The following IFT52 variants were observed in gnomAD, a reference collection of about 807,000 sequenced individuals.
IFT52 encodes intraflagellar transport 52.
IFT52 carries 44 observed loss-of-function variants against 54.4 expected under a neutral mutation model. The observed-to-expected ratio is 0.81, with a 90% confidence interval of 0.63 to 1.04. The LOEUF (loss-of-function observed/expected upper bound fraction) is 1.04. IFT52 is among the 50% of genes least tolerant of loss of function. The probability of loss-of-function intolerance (pLI) is 0.00; values close to 1 mark genes in which losing one functional copy is unlikely to be tolerated. For synonymous variants in IFT52, 181 were observed against 185.3 expected, an observed-to-expected ratio of 0.98 and a Z score of 0.19; for missense variants, 452 against 523.6, an observed-to-expected ratio of 0.86 and a Z score of 1.33.
chr20:43,618,890 T>G, intron 7 of IFT52, 50 bp from the exon 8 acceptor site: 2,520 of 1,153,468 alleles, frequency 2.2e-3, no homozygotes, highest in Non-Finnish European at 3.0e-3. Context: ...CTAGGATACA[T>G]GAGATGCACT....
intron 10 of IFT52, among the ~76,000 whole-genome samples, chr20:43,634,685 T>A (rs1985400128): frequency 6.6e-6 from 1 of 152,118 alleles, no homozygotes; most frequent in African/African-American, 2.4e-5. Flanking sequence ...AGTACAGATT[T>A]GTTACCTAGG....
chr20:43,604,247 A>C lies in IFT52; in HGVS notation c.402A>C (p.Gly134=), dbSNP rs758084773. ...FHPKEALVSS[G]VLNREISRAA... ...CTAAAGAAGCTCTAGTTTCCAGTGGAGTCTTGAACAGGTAAGCATGTTGAA... is the reference window on the plus strand; with the variant it reads ...CTAAAGAAGCTCTAGTTTCCAGTGGCGTCTTGAACAGGTAAGCATGTTGAA... Residue 134 remains glycine (G), a synonymous_variant, in exon 5 of 14, where the codon GGA becomes GGC. Transcript: ENST00000373030. 1 of 1,608,012 alleles carries C rather than the reference A, an allele frequency of 6.2e-7. No homozygotes were observed. Among genetic ancestry groups the C allele is most frequent in the East Asian group, 2.2e-5 (1 of 44,854 alleles).
rs567832259 is a variant in IFT52, at chr20:43,628,183, C to CCT, written c.923+4140_923+4141dup. Among the ~76,000 whole-genome samples, 39 of 152,224 alleles carry CCT rather than the reference C, an allele frequency of 2.6e-4. No individual in the cohort carries two copies. The East Asian group carries it at 6.9e-3, about 27-fold the overall frequency. On this transcript the variant is annotated intron_variant, in intron 10 of 13. Transcript: ENST00000373030. ...ACTTCAAGTGATCCACCCGCCTCAG[C>CCT]CTCCCAAAGTGTTGAGATTACAGGC... is the stretch of plus-strand genomic sequence containing the variant.
At chr20:43,620,729 C>T in intron 8 of IFT52, 128 bp from the exon 9 acceptor site, 2 of 664,524 alleles carry the variant, frequency 3.0e-6, no homozygotes, top group African/African-American at 3.7e-5. Flanking sequence ...AGGCTGGCTA[C>T]CCTTTTCTGA....
At position 43,596,435 on chromosome 20, in the gene IFT52, C is replaced by T; in HGVS notation, c.120C>T (p.Ser40=). ...KKLRSNWKIQ[S]LKDEITSEKL... is the part of the protein sequence containing the mutation. ...TTTGCTTTTAAAATTGTATTTCCAG[C>T]TTAAAAGATGAAATCACATCTGAGA... is the stretch of plus-strand genomic sequence containing the variant. Residue 40 remains serine (S), a splice_region_variant and synonymous_variant, in exon 3 of 14, where the codon AGC becomes AGT. Coordinates refer to ENST00000373030, the MANE Select transcript of IFT52 (RefSeq NM_016004.5). 1 of 1,572,790 alleles carries T rather than the reference C, an allele frequency of 6.4e-7. No homozygotes were observed. Among genetic ancestry groups the T allele is most frequent in the Non-Finnish European group, 8.7e-7 (1 of 1,150,460 alleles).
intron 10 of IFT52, among the ~76,000 whole-genome samples, chr20:43,632,816 T>G (rs1235227893): frequency 6.6e-6 from 1 of 151,706 alleles, no homozygotes; most frequent in African/African-American, 2.4e-5. Context: ...TGAAAAGAAA[T>G]AAAAAAAACA....
At chr20:43,604,670 CCTTT>C (rs1320495491) in intron 5 of IFT52, among the ~76,000 whole-genome samples, 1 of 151,874 alleles carries the variant, frequency 6.6e-6, no homozygotes, top group African/African-American at 2.4e-5. Context: ...TTTTCACTGC[CCTTT>C]CTTCTTTCTT....
chr20:43,623,758 C>G, intron 9 of IFT52, 133 bp from the exon 10 acceptor site: 2 of 997,524 alleles, frequency 2.0e-6, no homozygotes, highest in Non-Finnish European at 2.9e-6. Context: ...GGTTTAGTGT[C>G]AGTGATCATG....
Position 43,592,969 on chromosome 20 carries a change from C to T in IFT52, c.-6-1724C>T, listed in dbSNP as rs186941114. On this transcript the variant is annotated intron_variant, in intron 1 of 13. Transcript: ENST00000373030. ...TTTAAAAATTAGCTGGACACTGGTG[C>T]GCGCCTGTAGTCCCAGCTACCCATG... Among the ~76,000 whole-genome samples the T allele has an allele frequency of 9.5e-4, 145 of 151,916 alleles. 1 individual carries two copies. Among genetic ancestry groups the T allele is most frequent in the Admixed American group, 3.3e-3 (51 of 15,260 alleles).
At chr20:43,638,641 A>G (rs1019348132) in intron 12 of IFT52, among the ~76,000 whole-genome samples, 1 of 152,200 alleles carries the variant, frequency 6.6e-6, no homozygotes, top group Non-Finnish European at 1.5e-5. Flanking sequence ...ATTTTTAAAA[A>G]TAGAAAAAAA....
chr20:43,625,753 A>C (rs1984671447), intron 10 of IFT52, among the ~76,000 whole-genome samples: 1 of 152,102 alleles, frequency 6.6e-6, no homozygotes, highest in Admixed American at 6.6e-5. Flanking sequence ...GGCCTGGCCT[A>C]CTTTTTTGCC....
intron 6 of IFT52, among the ~76,000 whole-genome samples, chr20:43,606,013 G>A (rs1982843127): frequency 2.0e-5 from 3 of 152,056 alleles, no homozygotes; most frequent in African/African-American, 7.2e-5. Flanking sequence ...CTGAGGTCAC[G>A]AGTTTGAAAC....
At chr20:43,636,153 C>T in intron 11 of IFT52, 140 bp downstream of exon 11, 1 of 707,992 alleles carries the variant, frequency 1.4e-6, no homozygotes, top group Non-Finnish European at 2.4e-6. Flanking sequence ...TCTAAACATG[C>T]ATGGACACCA....
chr20:43,597,037 A>G (rs62225579), intron 3 of IFT52, among the ~76,000 whole-genome samples: 117,278 of 150,382 alleles, frequency 0.78, 45,946 homozygotes, highest in Non-Finnish European at 0.8. Flanking sequence ...CACCGAGCCC[A>G]GCCAGTAGCC....
intron 10 of IFT52, among the ~76,000 whole-genome samples, chr20:43,625,946 G>A (rs968499526): frequency 6.7e-6 from 1 of 150,288 alleles, no homozygotes; most frequent in Non-Finnish European, 1.5e-5. Flanking sequence ...TGAGGTGGGA[G>A]GATTGCTTGG....
chr20:43,599,527 A>AG (rs1253424796), intron 3 of IFT52, among the ~76,000 whole-genome samples: 1 of 152,014 alleles, frequency 6.6e-6, no homozygotes, highest in Non-Finnish European at 1.5e-5. Flanking sequence ...TGGGAAGAAA[A>AG]GGGAAAAAAG....
At chr20:43,611,064 A>G (rs867292313) in intron 6 of IFT52, among the ~76,000 whole-genome samples, 48 of 152,208 alleles carry the variant, frequency 3.2e-4, no homozygotes, top group South Asian at 2.1e-4. Flanking sequence ...ATTATAGTGA[A>G]GGGAATATGT....
chr20:43,604,093 G>C, intron 4 of IFT52, 90 bp from the exon 5 acceptor site: 2 of 1,119,278 alleles, frequency 1.8e-6, no homozygotes, highest in African/African-American at 1.5e-5. Context: ...CCAAGTTCCA[G>C]GGTGCCCTTC....
At chr20:43,602,135 G>C (rs1369888393) in intron 3 of IFT52, among the ~76,000 whole-genome samples, 3 of 53,178 alleles carry the variant, frequency 5.6e-5, no homozygotes, top group Non-Finnish European at 1.3e-4. Context: ...ACTTTGAGCT[G>C]ATTTTTATTT....
Sources: allele counts gnomAD v4.1 joint callset (sites outside exome capture counted in the v4.1 genomes callset), GRCh38; gene constraint gnomAD v4.1.1; transcripts MANE v1.5; gene names NCBI Gene and HGNC (gene_info 2026-07-23, HGNC 2026-07-21).